The following TNKS variants were observed in gnomAD, a reference collection of about 807,000 sequenced individuals.
TNKS encodes the protein poly [ADP-ribose] polymerase tankyrase-1.
A neutral mutation model predicts 135.8 loss-of-function variants in TNKS; 72 were observed. That is an observed-to-expected ratio of 0.53 (90% CI 0.44 to 0.64). The LOEUF (loss-of-function observed/expected upper bound fraction) is 0.64. Among genes scored for constraint, TNKS ranks in the 30% least tolerant of loss-of-function variants. TNKS has a pLI of 0.00. For synonymous variants in TNKS, 849 were observed against 649.3 expected, an observed-to-expected ratio of 1.31 and a Z score of -4.68; for missense variants, 1,769 against 1,674.0, an observed-to-expected ratio of 1.06 and a Z score of -0.99.
At chr8:9,626,953 C>A (rs1421344868) in intron 3 of TNKS, among the ~76,000 whole-genome samples, 1 of 152,174 alleles carries the variant, frequency 6.6e-6, no homozygotes, top group Non-Finnish European at 1.5e-5. Flanking sequence ...GCCTGGCAGT[C>A]TCCAGGTAGC....
Position 9,751,843 on chromosome 8 carries a change from G to C in TNKS, c.3067G>C (p.Glu1023Gln). 1 of 1,613,992 alleles carries C rather than the reference G, an allele frequency of 6.2e-7. No homozygotes were observed. The highest frequency in any genetic ancestry group is 8.5e-7 in the Non-Finnish European group (1 of 1,179,856). The change falls in exon 19 of 27, where the codon GAA becomes CAA. Residue 1023 changes from glutamate (E) to glutamine (Q), a missense_variant. Glu to Gln is a conservative substitution (Grantham distance 29). This residue lies in a region of TNKS where 722 missense variants were observed against 688.9 expected (regional missense o/e 1.05). Coordinates refer to ENST00000310430, the MANE Select transcript of TNKS (RefSeq NM_003747.3). ...CGCGGGAACAGAAAGGAAGGAAGGAGAAGGTGAGTAGACCCCATGAATGCT... is the reference window on the plus strand; with the variant it reads ...CGCGGGAACAGAAAGGAAGGAAGGACAAGGTGAGTAGACCCCATGAATGCT... Reference protein sequence around the residue: ...GAAGTERKEGEVAGLDMNISQ... With the variant: ...GAAGTERKEGQVAGLDMNISQ...
chr8:9,746,881 C>CTGTTTTT (rs1806262565), intron 17 of TNKS, among the ~76,000 whole-genome samples: 1 of 117,230 alleles, frequency 8.5e-6, no homozygotes, highest in Non-Finnish European at 1.6e-5. Context: ...CCTACTTAAA[C>CTGTTTTT]TTTTTTTTTT....
intron 26 of TNKS, among the ~76,000 whole-genome samples, chr8:9,771,296 G>GA: frequency 1.6e-5 from 2 of 128,100 alleles, no homozygotes; most frequent in African/African-American, 6.1e-5. Context: ...AGGGAGGGAG[G>GA]AGAGAGGAAG....
intron 3 of TNKS, among the ~76,000 whole-genome samples, chr8:9,657,731 C>A (rs1801469798): frequency 8.1e-6 from 1 of 122,712 alleles, no homozygotes; most frequent in Admixed American, 7.7e-5. Flanking sequence ...GGCGGCCGGG[C>A]AGAGGCGCCC....
chr8:9,756,565 A>G (rs1806841643), intron 20 of TNKS, among the ~76,000 whole-genome samples: 3 of 151,522 alleles, frequency 2.0e-5, no homozygotes, highest in South Asian at 4.2e-4. Context: ...TGATTTTCAG[A>G]AAAAAAAATG....
At chr8:9,772,681 T>G (rs983861509) in intron 26 of TNKS, among the ~76,000 whole-genome samples, 2 of 152,016 alleles carry the variant, frequency 1.3e-5, no homozygotes, top group Admixed American at 1.3e-4. Context: ...AATTATAAGG[T>G]TGATTCTGTA....
chr8:9,587,473 C>T (rs546520417), intron 2 of TNKS, among the ~76,000 whole-genome samples: 2 of 151,280 alleles, frequency 1.3e-5, no homozygotes, highest in African/African-American at 4.9e-5. Flanking sequence ...AGTCTCGGCT[C>T]ACTGTAAGCT....
intron 20 of TNKS, among the ~76,000 whole-genome samples, chr8:9,755,505 A>C (rs1053621433): frequency 3.9e-5 from 6 of 152,218 alleles, no homozygotes; most frequent in African/African-American, 1.4e-4. Flanking sequence ...CAAGCAATCA[A>C]ATTTATTTTT....
At chr8:9,773,148 A>ACTT (rs370339746) in intron 26 of TNKS, among the ~76,000 whole-genome samples, 1 of 151,926 alleles carries the variant, frequency 6.6e-6, no homozygotes, top group African/African-American at 2.4e-5. Flanking sequence ...CAGTAATTAT[A>ACTT]CTTCTTCTAG....
chr8:9,641,198 T>C lies in TNKS; in HGVS notation c.994+25521T>C, dbSNP rs1159685639. Among the ~76,000 whole-genome samples, 2 of 145,826 alleles carry C rather than the reference T, an allele frequency of 1.4e-5. 1 individual carries two copies. Among genetic ancestry groups the C allele is most frequent in the Non-Finnish European group, 3.0e-5 (2 of 66,662 alleles). On this transcript the variant is annotated intron_variant, in intron 3 of 26. Transcript: ENST00000310430. ...AACATTAACAGTTTCCTTAAAGATA[T>C]TTCTTAAGGTGCAAATTTCATCCCC...
chr8:9,756,315 A>G (rs1806832343), intron 20 of TNKS, among the ~76,000 whole-genome samples: 1 of 152,116 alleles, frequency 6.6e-6, no homozygotes, highest in Non-Finnish European at 1.5e-5. Flanking sequence ...CTTTTTCATT[A>G]AAACTAGTTT....
At chr8:9,680,069 A>AT in intron 4 of TNKS, 82 bp downstream of exon 4, 1 of 1,026,734 alleles carries the variant, frequency 9.7e-7, no homozygotes, top group Non-Finnish European at 1.5e-6. Flanking sequence ...TATAAAAAAT[A>AT]TAACGTTATT....
chr8:9,726,972 A>G (rs966236252), intron 13 of TNKS, among the ~76,000 whole-genome samples: 1 of 152,206 alleles, frequency 6.6e-6, no homozygotes, highest in African/African-American at 2.4e-5. Context: ...ACACACACAC[A>G]TATACATGGT....
At chr8:9,673,208 G>T (rs1285910560) in intron 3 of TNKS, among the ~76,000 whole-genome samples, 1 of 152,128 alleles carries the variant, frequency 6.6e-6, no homozygotes, top group African/African-American at 2.4e-5. Context: ...CTCGTACTAA[G>T]AGAGGTCATA....
chr8:9,748,260 G>T, intron 18 of TNKS, 48 bp downstream of exon 18: 6 of 1,357,978 alleles, frequency 4.4e-6, no homozygotes, highest in Non-Finnish European at 5.8e-6. Flanking sequence ...TACTTTCACA[G>T]ATGACATCAG....
chr8:9,611,890 G>A (rs1265604089), intron 2 of TNKS, among the ~76,000 whole-genome samples: 1 of 152,180 alleles, frequency 6.6e-6, no homozygotes, highest in East Asian at 1.9e-4. Context: ...TTTTTAAAGA[G>A]TTAAGATAAA....
chr8:9,746,881 CTTT>C (rs10672387), intron 17 of TNKS, among the ~76,000 whole-genome samples: 1 of 117,224 alleles, frequency 8.5e-6, no homozygotes. Context: ...CCTACTTAAA[CTTT>C]TTTTTTTTTT....
chr8:9,568,837 G>C (rs1797650133), intron 1 of TNKS, among the ~76,000 whole-genome samples: 1 of 152,140 alleles, frequency 6.6e-6, no homozygotes, highest in Admixed American at 6.5e-5. Context: ...ATAAGTAATA[G>C]TTTCCTAAGG....
intron 3 of TNKS, among the ~76,000 whole-genome samples, chr8:9,672,088 CT>C (rs1802295524): frequency 6.6e-6 from 1 of 152,172 alleles, no homozygotes; most frequent in Non-Finnish European, 1.5e-5. Context: ...GCAAGTAATC[CT>C]TACTTTACCT....
Sources: gnomAD v4.1 joint callset for allele counts (sites outside exome capture counted in the v4.1 genomes callset) on GRCh38, gnomAD v4.1.1 for gene constraint, gnomAD v4.1.1 regional missense constraint, MANE v1.5 for transcripts, NCBI Gene and HGNC (gene_info 2026-07-23, HGNC 2026-07-21) for gene names.